Variants in TRPS1 observed in about 807,000 individuals in gnomAD.
TRPS1 encodes the protein transcriptional repressor GATA binding 1, also known as zinc finger transcription factor Trps1.
A neutral mutation model predicts 101.2 loss-of-function variants in TRPS1; 6 were observed. The observed-to-expected ratio is 0.06, with a 90% CI of 0.03 to 0.12. The LOEUF (loss-of-function observed/expected upper bound fraction) is 0.12, where lower values mean the gene tolerates loss of function less well. Among genes scored for constraint, TRPS1 ranks in the 10% least tolerant of loss-of-function variants. TRPS1 has a pLI of 1.00. For missense variants in TRPS1, 1,363 were observed against 1,567.0 expected, an observed-to-expected ratio of 0.87 and a Z score of 2.20; for synonymous variants, 578 against 589.8, an observed-to-expected ratio of 0.98 and a Z score of 0.29.
intron 5 of TRPS1, among the ~76,000 whole-genome samples, chr8:115,452,087 C>T (rs1008466198): frequency 6.6e-6 from 1 of 152,132 alleles, no homozygotes; most frequent in East Asian, 1.9e-4. Context: ...TGGTAAGCGG[C>T]TTTATTTTAA....
chr8:115,490,727 T>C (rs762993377), intron 5 of TRPS1, among the ~76,000 whole-genome samples: 3 of 152,174 alleles, frequency 2.0e-5, no homozygotes, highest in African/African-American at 4.8e-5. Context: ...CTCTTGAAAT[T>C]TGAAACAGTG....
chr8:115,523,362 G>A (rs1244242042), intron 5 of TRPS1, among the ~76,000 whole-genome samples: 1 of 152,094 alleles, frequency 6.6e-6, no homozygotes, highest in African/African-American at 2.4e-5. Flanking sequence ...AAGACTTGGG[G>A]TATGTAATGG....
chr8:115,426,735 G>A (rs546658442), intron 5 of TRPS1, among the ~76,000 whole-genome samples: 5 of 152,110 alleles, frequency 3.3e-5, no homozygotes, highest in Non-Finnish European at 7.4e-5. Context: ...ATGGTCAAAA[G>A]CATGTCCCTC....
At position 115,418,059 on chromosome 8, in the gene TRPS1, G is replaced by T. The variant is rs1369757770; in HGVS notation, c.2823+271C>A. On this transcript the variant is annotated intron_variant, in intron 6 of 6. Transcript: ENST00000395715. This position sits in a 1 kb window ranked among gnomAD's most constrained non-coding sequence, Gnocchi z 4.3. ...TTTCATTGAATTCTGATAACCATTA[G>T]TTCAACTATCTGCTGTGAAGTTCCC... 2.0e-5 allele frequency among the ~76,000 whole-genome samples: 3 copies of T among 152,008 alleles called. No homozygotes were observed. The highest frequency in any genetic ancestry group is 4.4e-5 in the Non-Finnish European group (3 of 68,004).
intron 5 of TRPS1, among the ~76,000 whole-genome samples, chr8:115,457,560 T>C (rs1814061730): frequency 6.6e-6 from 1 of 152,214 alleles, no homozygotes; most frequent in Admixed American, 6.5e-5. Context: ...ACATTAGGAA[T>C]GTATTTCATA....
At chr8:115,425,876 C>T (rs1813174803) in intron 5 of TRPS1, among the ~76,000 whole-genome samples, 1 of 152,214 alleles carries the variant, frequency 6.6e-6, no homozygotes, top group African/African-American at 2.4e-5. Flanking sequence ...AATGAAATTA[C>T]ATAATAGAAT....
chr8:115,445,767 T>C (rs774800438), intron 5 of TRPS1, among the ~76,000 whole-genome samples: 9 of 152,274 alleles, frequency 5.9e-5, no homozygotes, highest in African/African-American at 1.9e-4. Context: ...GAAGGTGAGA[T>C]AGAGTAGGCA....
chr8:115,562,767 T>C (rs182063743), intron 5 of TRPS1, among the ~76,000 whole-genome samples: 12 of 152,108 alleles, frequency 7.9e-5, no homozygotes, highest in Non-Finnish European at 1.2e-4. Context: ...GGAGCATATA[T>C]ATCAAAGGAG....
intron 5 of TRPS1, among the ~76,000 whole-genome samples, chr8:115,564,060 T>C (rs1817009892): frequency 6.6e-6 from 1 of 152,034 alleles, no homozygotes; most frequent in Admixed American, 6.6e-5. Flanking sequence ...TGCTCAAATC[T>C]CACTCCAATT....
intron 4 of TRPS1, among the ~76,000 whole-genome samples, chr8:115,603,590 T>C (rs1050021086): frequency 1.3e-5 from 2 of 152,182 alleles, no homozygotes; most frequent in Non-Finnish European, 2.9e-5. Context: ...ATCAGCATTA[T>C]TAGAATCACT....
rs1319667467 is a variant in TRPS1 at position 115,412,000 on chromosome 8, T to C, written c.*2023A>G. The C allele has an allele frequency of 2.0e-5, 3 of 147,960 alleles. No individual in the cohort carries two copies. Among genetic ancestry groups the C allele is most frequent in the East Asian group, 4.0e-4 (2 of 4,960 alleles). The allele number at this position is 147,960 out of a possible 1,614,324, so 9.2% of individuals were successfully genotyped here. A position where few individuals can be genotyped will look rare whatever the true frequency, so the allele number is the denominator to read the frequency against. Reference sequence around the variant, plus strand: ...ATGATACAAAGCAACTGCGAATTAATGTAAAAATGGAGTGCAAATGCGACT... The same window carrying C: ...ATGATACAAAGCAACTGCGAATTAACGTAAAAATGGAGTGCAAATGCGACT... On this transcript the variant is annotated 3_prime_UTR_variant, in exon 7 of 7. Transcript: ENST00000395715.
chr8:115,531,641 G>A (rs1309192715), intron 5 of TRPS1, among the ~76,000 whole-genome samples: 1 of 152,100 alleles, frequency 6.6e-6, no homozygotes, highest in Non-Finnish European at 1.5e-5. Flanking sequence ...CCCTTTCCCT[G>A]TTAGGAATGG....
At chr8:115,562,218 A>G (rs1816961881) in intron 5 of TRPS1, among the ~76,000 whole-genome samples, 1 of 152,128 alleles carries the variant, frequency 6.6e-6, no homozygotes, top group South Asian at 2.1e-4. Flanking sequence ...CTAATTCTGT[A>G]GAGCCATTTA....
intron 5 of TRPS1, among the ~76,000 whole-genome samples, chr8:115,524,884 T>C (rs1010901747): frequency 3.9e-5 from 6 of 152,186 alleles, no homozygotes; most frequent in Non-Finnish European, 8.8e-5. Flanking sequence ...CTTATAGATA[T>C]ATGTAACACT....
At chr8:115,426,695 A>G (rs1044230857) in intron 5 of TRPS1, among the ~76,000 whole-genome samples, 1 of 152,186 alleles carries the variant, frequency 6.6e-6, no homozygotes, top group Non-Finnish European at 1.5e-5. Flanking sequence ...GAAAAAAATA[A>G]AGTGTAAAAT....
chr8:115,421,452 G>A (rs767616937), intron 5 of TRPS1, among the ~76,000 whole-genome samples: 8 of 152,170 alleles, frequency 5.3e-5, no homozygotes, highest in Admixed American at 1.3e-4. Flanking sequence ...TTTGAGAGAT[G>A]CTTAAAGCAT....
chr8:115,462,329 G>T (rs193204850), intron 5 of TRPS1, among the ~76,000 whole-genome samples: 2,012 of 151,600 alleles, frequency 0.013, 43 homozygotes, highest in African/African-American at 0.046. Context: ...AACAGACTGA[G>T]AATTTATAGT....
At chr8:115,452,872 C>T (rs1484611898) in intron 5 of TRPS1, among the ~76,000 whole-genome samples, 2 of 152,058 alleles carry the variant, frequency 1.3e-5, no homozygotes, top group Non-Finnish European at 2.9e-5. Flanking sequence ...TATAAAATGT[C>T]GCATCACCAT....
chr8:115,461,700 G>A (rs1232663702), intron 5 of TRPS1, among the ~76,000 whole-genome samples: 1 of 152,088 alleles, frequency 6.6e-6, no homozygotes, highest in African/African-American at 2.4e-5. Context: ...AACATATTAT[G>A]AAGTTTTCTT....
Sources: allele counts gnomAD v4.1 joint callset (sites outside exome capture counted in the v4.1 genomes callset), GRCh38; gene constraint gnomAD v4.1.1; non-coding constraint Gnocchi (gnomAD v3.1); transcripts MANE v1.5; gene names NCBI Gene and HGNC (gene_info 2026-07-23, HGNC 2026-07-21).